SNTG1: variants seen among roughly 807,000 people sequenced by gnomAD.
SNTG1 encodes the protein gamma-1-syntrophin.
In SNTG1, 39 loss-of-function variants were observed where a neutral mutation model predicts 74.7. The observed-to-expected ratio is 0.52, with a 90% CI of 0.40 to 0.68. The LOEUF (loss-of-function observed/expected upper bound fraction) is 0.68, where lower values mean the gene tolerates loss of function less well. Ranked by LOEUF, SNTG1 falls within the 30% of genes least tolerant of loss-of-function variation. SNTG1 has a pLI of 0.00. For missense variants in SNTG1, 685 were observed against 609.5 expected, an observed-to-expected ratio of 1.12 and a Z score of -1.30; for synonymous variants, 254 against 217.1, an observed-to-expected ratio of 1.17 and a Z score of -1.49.
In SNTG1 at chr8:50,530,265, A is replaced by G. The variant is rs2094256037; in HGVS notation, c.549+6A>G. 1 of 1,613,382 alleles carries G rather than the reference A, an allele frequency of 6.2e-7. No individual in the cohort carries two copies. Among genetic ancestry groups the G allele is most frequent in the Non-Finnish European group, 8.5e-7 (1 of 1,179,388 alleles). ...ACTACCATCCCAACAATACAGTAAG[A>G]TGACCCAGGCATAGCTCAGATTAAT... On this transcript the variant is annotated splice_donor_region_variant and intron_variant, in intron 10 of 18. Coordinates refer to ENST00000642720, the MANE Select transcript of SNTG1 (RefSeq NM_018967.5).
intron 1 of SNTG1, among the ~76,000 whole-genome samples, chr8:49,955,980 T>C (rs556989099): frequency 6.6e-6 from 1 of 152,344 alleles, no homozygotes; most frequent in South Asian, 2.1e-4. Context: ...TTCTGCTTTC[T>C]TTTCATTGCC....
intron 1 of SNTG1, among the ~76,000 whole-genome samples, chr8:50,014,079 GGTGAT>G (rs1357738944): frequency 6.6e-6 from 1 of 152,078 alleles, no homozygotes; most frequent in Non-Finnish European, 1.5e-5. Flanking sequence ...CAGCAGGCCC[GGTGAT>G]GTTTTAAGTT....
intron 2 of SNTG1, among the ~76,000 whole-genome samples, chr8:50,295,276 C>T (rs1001343931): frequency 1.1e-4 from 17 of 152,184 alleles, no homozygotes; most frequent in South Asian, 2.1e-4. Flanking sequence ...ATAATGGCAA[C>T]GTTGATAGGA....
At chr8:50,384,567 C>T (rs1306317730) in intron 2 of SNTG1, among the ~76,000 whole-genome samples, 2 of 152,136 alleles carry the variant, frequency 1.3e-5, no homozygotes, top group Non-Finnish European at 1.5e-5. Context: ...ATACTGGGCT[C>T]AGTGTTGGTC....
chr8:50,402,370 AT>A (rs777254868), intron 4 of SNTG1, 26 bp downstream of exon 4: 2 of 1,562,534 alleles, frequency 1.3e-6, no homozygotes, highest in Non-Finnish European at 1.7e-6. Context: ...TTCTGTTGAA[AT>A]TTTTTGTGTT....
intron 1 of SNTG1, chr8:50,011,707 A>G (rs1367887398): frequency 1.3e-5 from 2 of 152,126 alleles, no homozygotes; most frequent in Non-Finnish European, 2.9e-5. Context: ...ATTTTATTCA[A>G]AGATTATCAC....
At chr8:50,769,674 T>C (rs559707885) in intron 18 of SNTG1, among the ~76,000 whole-genome samples, 2 of 152,174 alleles carry the variant, frequency 1.3e-5, no homozygotes, top group South Asian at 4.1e-4. Context: ...GTAAGTTTCT[T>C]AACTGCATTC....
intron 2 of SNTG1, among the ~76,000 whole-genome samples, chr8:50,331,415 A>T (rs1467943486): frequency 6.6e-6 from 1 of 152,214 alleles, no homozygotes; most frequent in East Asian, 1.9e-4. Flanking sequence ...CTAGAGAAAC[A>T]GCCCTGAGTG....
intron 13 of SNTG1, among the ~76,000 whole-genome samples, chr8:50,642,326 T>G (rs1425184102): frequency 2.0e-5 from 3 of 152,158 alleles, no homozygotes; most frequent in Admixed American, 6.6e-5. Flanking sequence ...TTCTTGCTTC[T>G]TTTCTTTCTT....
intron 11 of SNTG1, among the ~76,000 whole-genome samples, chr8:50,543,438 T>TTTC (rs1554568692): frequency 6.6e-6 from 1 of 151,548 alleles, no homozygotes; most frequent in East Asian, 1.9e-4. Context: ...ATGTGTCTGT[T>TTTC]TTGTTGTTGT....
chr8:50,603,641 G>A (rs1193087102), intron 13 of SNTG1, among the ~76,000 whole-genome samples: 1 of 152,060 alleles, frequency 6.6e-6, no homozygotes, highest in East Asian at 1.9e-4. Flanking sequence ...AGGCTTGTTA[G>A]TACCTTTCTT....
intron 2 of SNTG1, among the ~76,000 whole-genome samples, chr8:50,341,811 T>C (rs564344755): frequency 2.6e-5 from 4 of 152,024 alleles, no homozygotes; most frequent in Non-Finnish European, 4.4e-5. Flanking sequence ...TTAATAGCCA[T>C]AGGAACATGA....
rs1348825125 is a variant in SNTG1 at position 50,601,150 on chromosome 8, GACAAA to G, written c.849+10235_849+10239del. Reference sequence around the variant, plus strand: ...TCCAGCCTGGTGACAGAGCCAGCGAGACAAAAAAAAAAAAAAAAAAAAAAAAAAAA... The same window carrying G: ...TCCAGCCTGGTGACAGAGCCAGCGAGAAAAAAAAAAAAAAAAAAAAAAAAA... On this transcript the variant is annotated intron_variant, in intron 13 of 18. Coordinates refer to ENST00000642720, the MANE Select transcript of SNTG1 (RefSeq NM_018967.5). 6.9e-4 allele frequency among the ~76,000 whole-genome samples: 15 copies of G among 21,886 alleles called. No individual in the cohort carries two copies. In the African/African-American group the frequency reaches 7.7e-3, roughly 11 times the overall value. 14.4% of individuals were successfully genotyped at this position (21,886 alleles called of 152,430 possible).
intron 2 of SNTG1, among the ~76,000 whole-genome samples, chr8:50,314,920 A>G (rs1266669510): frequency 6.7e-6 from 1 of 149,670 alleles, no homozygotes; most frequent in African/African-American, 2.5e-5. Context: ...TTACCTTGAG[A>G]GCAAGACAAT....
intron 12 of SNTG1, among the ~76,000 whole-genome samples, chr8:50,580,753 C>A (rs1344463980): frequency 6.6e-6 from 1 of 152,130 alleles, no homozygotes; most frequent in African/African-American, 2.4e-5. Flanking sequence ...GCATGCTTAA[C>A]TGTGAGTCAA....
At chr8:50,789,713 CCTT>C (rs1157464878) in intron 18 of SNTG1, among the ~76,000 whole-genome samples, 3 of 151,970 alleles carry the variant, frequency 2.0e-5, no homozygotes, top group African/African-American at 7.2e-5. Flanking sequence ...TGTAACTTCT[CCTT>C]CTTTCAATCC....
At chr8:50,458,575 A>G (rs564814662) in intron 8 of SNTG1, among the ~76,000 whole-genome samples, 257 of 152,246 alleles carry the variant, frequency 1.7e-3, no homozygotes, top group Non-Finnish European at 3.2e-3. Context: ...ATACAAGAAA[A>G]ATATCCAGAC....
At chr8:50,255,730 C>T (rs983410499) in intron 2 of SNTG1, among the ~76,000 whole-genome samples, 3 of 152,120 alleles carry the variant, frequency 2.0e-5, no homozygotes, top group African/African-American at 7.2e-5. Context: ...ATTAGTGGCC[C>T]ACCTTACTCC....
At chr8:50,090,281 G>A (rs1378562986) in intron 1 of SNTG1, among the ~76,000 whole-genome samples, 9 of 152,276 alleles carry the variant, frequency 5.9e-5, no homozygotes, top group East Asian at 5.8e-4. Context: ...GTTGGCTCAC[G>A]ACTTGTAACC....
Sources: allele counts gnomAD v4.1 joint callset (sites outside exome capture counted in the v4.1 genomes callset), GRCh38; gene constraint gnomAD v4.1.1; transcripts MANE v1.5; gene names NCBI Gene and HGNC (gene_info 2026-07-23, HGNC 2026-07-21).